The following SYBU variants were observed in gnomAD, a reference collection of about 807,000 sequenced individuals.
The protein encoded by SYBU is syntabulin, also known as GOLSYN A protein.
Under a neutral mutation model 35.9 loss-of-function variants are expected in SYBU, and 21 were observed. That is an observed-to-expected ratio of 0.58 (90% confidence interval 0.41 to 0.84). SYBU has a LOEUF of 0.84. SYBU is among the 40% of genes least tolerant of loss of function. The probability of loss-of-function intolerance (pLI) is 0.00; values close to 1 mark genes in which losing one functional copy is unlikely to be tolerated. For missense variants in SYBU, 768 were observed against 848.2 expected (o/e 0.91, Z 1.17); for synonymous variants, 319 against 324.3 (o/e 0.98, Z 0.18).
chr8:109,672,128 C>T lies in SYBU; in HGVS notation c.-129+8583G>A, dbSNP rs141341311. Among the ~76,000 whole-genome samples the T allele has an allele frequency of 4.5e-3, 680 of 152,124 alleles. 10 individuals are homozygous for T. The highest frequency in any genetic ancestry group is 0.016 in the African/African-American group (658 of 41,500). On this transcript the variant is annotated intron_variant, in intron 1 of 5. Transcript: ENST00000408889. ...GTTTCTCAGACTGGTCTTGAAATCC[C>T]GACCTCAGGTGATCCACCTGGTTTG...
upstream of SYBU, among the ~76,000 whole-genome samples, chr8:109,682,143 A>C (rs1295150227): frequency 6.6e-6 from 1 of 152,140 alleles, no homozygotes; most frequent in East Asian, 1.9e-4. Flanking sequence ...TGGTACCTGG[A>C]GTGGGGTGCT....
chr8:109,576,065 A>G (rs1414497714), intron 6 of SYBU, 52 bp from the exon 7 acceptor site: 2 of 1,464,968 alleles, frequency 1.4e-6, no homozygotes, highest in Non-Finnish European at 1.8e-6. Flanking sequence ...AAAAAAAAAA[A>G]AAAAACTTTC....
chr8:109,591,981 C>A (rs574781088), intron 3 of SYBU, among the ~76,000 whole-genome samples: 16 of 151,712 alleles, frequency 1.1e-4, no homozygotes, highest in Non-Finnish European at 1.6e-4. Flanking sequence ...CCTTAGTATC[C>A]TCATCCATAA....
At position 109,678,434 on chromosome 8, in the gene SYBU, CTTTTTTTTTTTT is replaced by C. The variant is rs10717299; in HGVS notation, c.-129+2265_-129+2276del. Among the ~76,000 whole-genome samples, 11 of 58,396 alleles carry C rather than the reference CTTTTTTTTTTTT, an allele frequency of 1.9e-4. No individual in the cohort carries two copies. In the South Asian group the frequency reaches 5.6e-3, roughly 30 times the overall value. The allele number at this position is 58,396 out of a possible 152,430, so 38.3% of individuals were successfully genotyped here. ...GGGTGGAAGAGCAGTTTCAAATAAC[CTTTTTTTTTTTT>C]TTTTTTTTTTTTGAGACAGAGTCTT... On this transcript the variant is annotated intron_variant, in intron 1 of 5. Transcript: ENST00000408889.
chr8:109,644,351 A>G (rs1815338501), intron 1 of SYBU: 1 of 607,250 alleles, frequency 1.6e-6, no homozygotes, highest in Non-Finnish European at 3.0e-6. Flanking sequence ...TCACACACAC[A>G]GGATATCAAC....
rs748570145 is a variant in SYBU, at chr8:109,586,076, A to ACC, written c.512_513dup (p.Ser172GlyfsTer43). ...GGTGCCTACTTGCGTGAAGAAGAAG[A>ACC]CCGCTTGCTTCCCGCAGTCGACATA... On this transcript the variant is annotated frameshift_variant, in exon 4 of 7. Coordinates refer to ENST00000276646, the MANE Select transcript of SYBU (RefSeq NM_001099754.2). LOFTEE classifies it high-confidence loss of function. 1 of 1,610,688 alleles carries ACC rather than the reference A, an allele frequency of 6.2e-7. No individual in the cohort carries two copies. Among genetic ancestry groups the ACC allele is most frequent in the Non-Finnish European group, 8.5e-7 (1 of 1,178,686 alleles).
rs916575334 is a variant in SYBU, at chr8:109,604,809, G to A, written c.427+14033C>T. Among the ~76,000 whole-genome samples, 3 of 152,342 alleles carry A rather than the reference G, an allele frequency of 2.0e-5. No homozygotes were observed. In the East Asian group the frequency reaches 5.8e-4, roughly 29 times the overall value. On this transcript the variant is annotated intron_variant, in intron 3 of 6. Transcript: ENST00000276646. ...AACGATGAGGGAAAGGGCATTGGAT[G>A]TCAGGCAGTAACCCAGTATCGGATA... is the stretch of plus-strand genomic sequence containing the variant.
chr8:109,675,866 T>G (rs1251493845), intron 1 of SYBU, among the ~76,000 whole-genome samples: 1 of 152,196 alleles, frequency 6.6e-6, no homozygotes, highest in Non-Finnish European at 1.5e-5. Flanking sequence ...ATATCCCTGA[T>G]GAACACTGAT....
chr8:109,587,915 C>T (rs1320286826), intron 3 of SYBU, among the ~76,000 whole-genome samples: 2 of 152,084 alleles, frequency 1.3e-5, no homozygotes, highest in African/African-American at 2.4e-5. Flanking sequence ...TAGAAGCTCC[C>T]CAAACTTAAT....
intron 2 of SYBU, among the ~76,000 whole-genome samples, chr8:109,621,118 T>A (rs1323037347): frequency 2.0e-5 from 3 of 152,196 alleles, no homozygotes; most frequent in Non-Finnish European, 4.4e-5. Context: ...CCTAAAAAAC[T>A]CAGTTTTCCT....
At chr8:109,580,451 G>A (rs1176322512) in intron 4 of SYBU, 1 of 172,546 alleles carries the variant, frequency 5.8e-6, no homozygotes, top group African/African-American at 2.4e-5. Context: ...TGGAGGATGG[G>A]GGAAGGTGGT....
chr8:109,674,701 T>TTC (rs1354862204), intron 1 of SYBU, among the ~76,000 whole-genome samples: 2 of 152,100 alleles, frequency 1.3e-5, no homozygotes, highest in African/African-American at 4.8e-5. Context: ...GTGGGAGACT[T>TTC]TAACACTCCA....
chr8:109,653,769 T>TC (rs1339108050), intron 1 of SYBU, among the ~76,000 whole-genome samples: 1 of 152,128 alleles, frequency 6.6e-6, no homozygotes, highest in African/African-American at 2.4e-5. Flanking sequence ...TAGGAGGTAT[T>TC]AAGAGAACTC....
At chr8:109,681,623 C>T (rs1404851016), upstream of SYBU, among the ~76,000 whole-genome samples, 3 of 152,032 alleles carry the variant, frequency 2.0e-5, no homozygotes, top group African/African-American at 7.3e-5. Flanking sequence ...AATTGGATAA[C>T]AGCATACGTA....
At chr8:109,641,116 A>G (rs1814826737) in intron 2 of SYBU, among the ~76,000 whole-genome samples, 1 of 152,204 alleles carries the variant, frequency 6.6e-6, no homozygotes, top group South Asian at 2.1e-4. Flanking sequence ...ACTAGTCATA[A>G]GACAGTCACT....
chr8:109,616,294 G>A lies in SYBU; in HGVS notation c.427+2548C>T, dbSNP rs147481078. 8.1e-3 allele frequency among the ~76,000 whole-genome samples: 1,237 copies of A among 152,130 alleles called. 9 individuals are homozygous for A. The highest frequency in any genetic ancestry group is 0.028 in the African/African-American group (1,180 of 41,498). On this transcript the variant is annotated intron_variant, in intron 3 of 6. Transcript: ENST00000276646. Reference sequence around the variant, plus strand: ...CAAAGTACTGGGATTACAGGCATGAGCCACCACGCCCGGCCTATTCCCTGT... The same window carrying A: ...CAAAGTACTGGGATTACAGGCATGAACCACCACGCCCGGCCTATTCCCTGT...
At chr8:109,614,709 T>A (rs1811544767) in intron 3 of SYBU, among the ~76,000 whole-genome samples, 1 of 152,242 alleles carries the variant, frequency 6.6e-6, no homozygotes, top group Non-Finnish European at 1.5e-5. Context: ...CAGCCTTGCG[T>A]GTTTTGCAGA....
Position 109,667,942 on chromosome 8 carries a change from A to T in SYBU, c.-129+12769T>A, listed in dbSNP as rs138803871. Among the ~76,000 whole-genome samples the T allele has an allele frequency of 2.1e-3, 325 of 152,278 alleles. 3 individuals are homozygous for T. The highest frequency in any genetic ancestry group is 7.4e-3 in the African/African-American group (308 of 41,550). On this transcript the variant is annotated intron_variant, in intron 1 of 5. Coordinates refer to the SYBU transcript ENST00000408889. Reference sequence around the variant, plus strand: ...TTTTAAAATGACAGAAGTCAAGTTCATTCTGTATGTTTTACTGCTTCCTGG... The same window carrying T: ...TTTTAAAATGACAGAAGTCAAGTTCTTTCTGTATGTTTTACTGCTTCCTGG...
intron 1 of SYBU, 76 bp from the exon 2 acceptor site, chr8:109,643,008 G>A: frequency 6.9e-7 from 1 of 1,451,076 alleles, no homozygotes; most frequent in Non-Finnish European, 9.1e-7. Flanking sequence ...TTCCTTCAAG[G>A]ATCAATTTCT....
Sources: allele counts gnomAD v4.1 joint callset (sites outside exome capture counted in the v4.1 genomes callset), GRCh38; gene constraint gnomAD v4.1.1; transcripts MANE v1.5; gene names NCBI Gene and HGNC (gene_info 2026-07-23, HGNC 2026-07-21).